Variants in NOL4 observed in about 807,000 individuals in gnomAD.
NOL4 encodes cancer/testis antigen 125.
Under a neutral mutation model 75.9 loss-of-function variants are expected in NOL4, and 17 were observed. The ratio of observed to expected loss-of-function variants is 0.22; its 90% CI spans 0.15 to 0.34. The LOEUF is 0.34. Among genes scored for constraint, NOL4 ranks in the 10% least tolerant of loss-of-function variants. NOL4 has a pLI of 1.00. For synonymous variants in NOL4, 292 were observed against 289.9 expected, an observed-to-expected ratio of 1.01 and a Z score of -0.07; for missense variants, 614 against 793.5, an observed-to-expected ratio of 0.77 and a Z score of 2.72.
chr18:33,937,895 T>A (rs2068176678), intron 9 of NOL4, among the ~76,000 whole-genome samples: 1 of 152,110 alleles, frequency 6.6e-6, no homozygotes, highest in African/African-American at 2.4e-5. Context: ...TAGGCTGATA[T>A]CCAGGCAAAC....
In NOL4 at chr18:34,215,658, T is replaced by C. The variant is rs1252872785; in HGVS notation, c.264+7332A>G. Among the ~76,000 whole-genome samples the C allele has an allele frequency of 2.6e-5, 4 of 152,216 alleles. No homozygotes were observed. In the East Asian group the frequency reaches 5.8e-4, roughly 22 times the overall value. ...GATGGGAAAATGGAAGGAAGAAAAA[T>C]GTGTTTCTAGACATACTTAATTTGA... On this transcript the variant is annotated intron_variant, in intron 1 of 10. Transcript: ENST00000261592.
At chr18:33,955,527 G>A (rs2069580513) in intron 8 of NOL4, among the ~76,000 whole-genome samples, 1 of 151,664 alleles carries the variant, frequency 6.6e-6, no homozygotes, top group South Asian at 2.1e-4. Flanking sequence ...ATCCACCAAG[G>A]AAAGTTGTCT....
intron 5 of NOL4, among the ~76,000 whole-genome samples, chr18:34,068,402 T>A (rs1448274184): frequency 6.6e-6 from 1 of 152,186 alleles, no homozygotes; most frequent in Non-Finnish European, 1.5e-5. Flanking sequence ...TTTAATTTTT[T>A]AATTTTTTAT....
intron 9 of NOL4, among the ~76,000 whole-genome samples, chr18:33,891,051 T>C (rs1275672230): frequency 1.3e-5 from 2 of 151,256 alleles, no homozygotes; most frequent in Admixed American, 6.6e-5. Context: ...AAGAAATTTA[T>C]ATAATATAAT....
At chr18:33,882,437 C>CA (rs1310327858) in intron 10 of NOL4, among the ~76,000 whole-genome samples, 1 of 151,856 alleles carries the variant, frequency 6.6e-6, no homozygotes, top group Non-Finnish European at 1.5e-5. Flanking sequence ...TTTATGCAGC[C>CA]AAAAAACACA....
chr18:34,060,389 C>T lies in NOL4; in HGVS notation c.772+33076G>A, dbSNP rs182488346. Among the ~76,000 whole-genome samples, 370 of 152,280 alleles carry T rather than the reference C, an allele frequency of 2.4e-3. 10 individuals are homozygous for T. The highest frequency in any genetic ancestry group is 0.023 in the Admixed American group (351 of 15,296). ...GCTTTATATGGTTGGGAACTTAAATCATTTCTGAATCAACTGGCTTAACTT... is the reference window on the plus strand; with the variant it reads ...GCTTTATATGGTTGGGAACTTAAATTATTTCTGAATCAACTGGCTTAACTT... On this transcript the variant is annotated intron_variant, in intron 5 of 10. Coordinates refer to ENST00000261592, the MANE Select transcript of NOL4 (RefSeq NM_003787.5).
intron 1 of NOL4, among the ~76,000 whole-genome samples, chr18:34,162,494 T>C (rs1275332359): frequency 6.6e-6 from 1 of 152,014 alleles, no homozygotes; most frequent in Non-Finnish European, 1.5e-5. Flanking sequence ...CTAGAAGAAA[T>C]GGATAAATTC....
At chr18:33,911,753 G>A (rs2066420305) in intron 9 of NOL4, among the ~76,000 whole-genome samples, 1 of 152,092 alleles carries the variant, frequency 6.6e-6, no homozygotes, top group Non-Finnish European at 1.5e-5. Flanking sequence ...AGTCTTTTCA[G>A]TGGAGGATAT....
At chr18:34,183,437 G>A (rs1009665313) in intron 1 of NOL4, 21 of 151,906 alleles carry the variant, frequency 1.4e-4, no homozygotes, top group African/African-American at 5.1e-4. Flanking sequence ...CGTTGCTAGT[G>A]TGAATGTAAA....
At position 33,852,005 on chromosome 18, in the gene NOL4, T is replaced by C. The variant is rs2062648709; in HGVS notation, c.*837A>G. 1 of 152,034 alleles carries C rather than the reference T, an allele frequency of 6.6e-6. No homozygotes were observed. Among genetic ancestry groups the C allele is most frequent in the African/African-American group, 2.4e-5 (1 of 41,266 alleles). 9.4% of individuals were successfully genotyped at this position (152,034 alleles called of 1,614,324 possible). On this transcript the variant is annotated 3_prime_UTR_variant, in exon 11 of 11. Coordinates refer to ENST00000261592, the MANE Select transcript of NOL4 (RefSeq NM_003787.5). Reference sequence around the variant, plus strand: ...GCAGCTCTAAGAAACCAAGGTGTGATTTTTTTTCAACAACATGTCTTGTCA... The same window carrying C: ...GCAGCTCTAAGAAACCAAGGTGTGACTTTTTTTCAACAACATGTCTTGTCA...
chr18:34,206,579 G>T (rs2036137073), intron 1 of NOL4, among the ~76,000 whole-genome samples: 1 of 152,024 alleles, frequency 6.6e-6, no homozygotes, highest in South Asian at 2.1e-4. Context: ...GGGCTTCATG[G>T]TTTCTGACTA....
At chr18:34,159,826 T>G (rs1394371745) in intron 1 of NOL4, among the ~76,000 whole-genome samples, 1 of 152,040 alleles carries the variant, frequency 6.6e-6, no homozygotes, top group African/African-American at 2.4e-5. Flanking sequence ...CAGAAAAGGT[T>G]GCCCGCTCAG....
intron 6 of NOL4, among the ~76,000 whole-genome samples, chr18:34,001,319 G>T (rs1004401992): frequency 6.6e-6 from 1 of 152,138 alleles, no homozygotes. Context: ...CCTAATCACG[G>T]ACTGTAGGTT....
chr18:33,982,535 T>C (rs2072049047), intron 6 of NOL4, among the ~76,000 whole-genome samples: 1 of 152,062 alleles, frequency 6.6e-6, no homozygotes, highest in Non-Finnish European at 1.5e-5. Context: ...TGTATGCTCC[T>C]AACAACAGAG....
chr18:34,183,913 T>C (rs987169803), intron 1 of NOL4, among the ~76,000 whole-genome samples: 5 of 151,720 alleles, frequency 3.3e-5, no homozygotes, highest in African/African-American at 4.8e-5. Flanking sequence ...TCAAAACCCA[T>C]AGAACTGTAT....
chr18:33,964,889 T>C (rs1003635283), intron 6 of NOL4, among the ~76,000 whole-genome samples: 6 of 152,106 alleles, frequency 3.9e-5, no homozygotes, highest in African/African-American at 1.4e-4. Flanking sequence ...TTTGCAACAA[T>C]TTACTGATAG....
At chr18:33,859,703 G>A (rs1008375813) in intron 10 of NOL4, among the ~76,000 whole-genome samples, 1 of 152,152 alleles carries the variant, frequency 6.6e-6, no homozygotes, top group South Asian at 2.1e-4. Flanking sequence ...TGGATCACTT[G>A]TGGTCAGGTG....
intron 4 of NOL4, among the ~76,000 whole-genome samples, chr18:34,102,854 A>G (rs2079105460): frequency 1.3e-5 from 2 of 151,986 alleles, no homozygotes; most frequent in East Asian, 3.8e-4. Context: ...CTTAATTGTC[A>G]TTGATATCTT....
intron 1 of NOL4, among the ~76,000 whole-genome samples, chr18:34,176,595 G>A (rs2033566846): frequency 6.6e-6 from 1 of 152,004 alleles, no homozygotes; most frequent in Admixed American, 6.6e-5. Context: ...GGCAATTAGG[G>A]CTAAATGAGA....
Sources: gnomAD v4.1 joint callset for allele counts (sites outside exome capture counted in the v4.1 genomes callset) on GRCh38, gnomAD v4.1.1 for gene constraint, MANE v1.5 for transcripts, NCBI Gene and HGNC (gene_info 2026-07-23, HGNC 2026-07-21) for gene names.